PPP3CA: variants seen among roughly 807,000 people sequenced by gnomAD.
PPP3CA encodes the protein CAM-PRP catalytic subunit.
Under a neutral mutation model 66.5 loss-of-function variants are expected in PPP3CA, and 14 were observed. The observed-to-expected ratio is 0.21, with a 90% CI of 0.14 to 0.33. PPP3CA has a LOEUF of 0.33. PPP3CA is among the 10% of genes least tolerant of loss of function. The pLI is 1.00. For missense variants in PPP3CA, 317 were observed against 639.5 expected, an observed-to-expected ratio of 0.50 and a Z score of 5.44; for synonymous variants, 232 against 226.2, an observed-to-expected ratio of 1.03 and a Z score of -0.23.
intron 1 of PPP3CA, among the ~76,000 whole-genome samples, chr4:101,261,424 T>C (rs1015205374): frequency 1.3e-5 from 2 of 152,130 alleles, no homozygotes; most frequent in African/African-American, 4.8e-5. Context: ...CTTTACTCTT[T>C]AGTATTTGTA....
rs140199977 is a variant in PPP3CA at position 101,211,795 on chromosome 4, C to A, written c.59-15679G>T. Among the ~76,000 whole-genome samples the A allele has an allele frequency of 2.7e-3, 418 of 152,288 alleles. 8 individuals carry two copies. The highest frequency in any genetic ancestry group is 0.017 in the East Asian group (88 of 5,178). On this transcript the variant is annotated intron_variant, in intron 1 of 13. Transcript: ENST00000394854. ...ACTCTTTAAAAAGCATGTTAGTTAA[C>A]CTGCTGCTGAGAATTTCCAGCAACA...
Position 101,029,130 on chromosome 4 carries a change from T to C in PPP3CA, c.1369+36A>G, listed in dbSNP as rs1726801684. ...ATACACCCAGCAGAGCCCTTATCTG[T>C]TGCAGGTACAACAGAAAGGGGACTG... On this transcript the variant is annotated intron_variant, in intron 13 of 13. Transcript: ENST00000394854. 4 of 1,550,906 alleles carry C rather than the reference T, an allele frequency of 2.6e-6. No homozygotes were observed. In the South Asian group the frequency reaches 3.3e-5, roughly 13 times the overall value.
intron 2 of PPP3CA, among the ~76,000 whole-genome samples, chr4:101,128,145 G>C (rs1722306109): frequency 6.6e-6 from 1 of 152,154 alleles, no homozygotes; most frequent in African/African-American, 2.4e-5. Context: ...TATGTGCCCT[G>C]AGAGCTAACA....
chr4:101,330,870 T>C (rs1444912751), intron 1 of PPP3CA, among the ~76,000 whole-genome samples: 1 of 152,198 alleles, frequency 6.6e-6, no homozygotes, highest in Non-Finnish European at 1.5e-5. Flanking sequence ...GTACTTCTTT[T>C]TATGTTTTGG....
At chr4:101,279,208 A>G (rs1727604570) in intron 1 of PPP3CA, among the ~76,000 whole-genome samples, 1 of 152,182 alleles carries the variant, frequency 6.6e-6, no homozygotes, top group Non-Finnish European at 1.5e-5. Context: ...ACACAATTCA[A>G]TTACATTTTA....
intron 1 of PPP3CA, among the ~76,000 whole-genome samples, chr4:101,338,712 T>C (rs1488317697): frequency 6.6e-6 from 1 of 152,178 alleles, no homozygotes; most frequent in African/African-American, 2.4e-5. Flanking sequence ...ACTTCTGAAC[T>C]GAAGCTCGAA....
intron 1 of PPP3CA, among the ~76,000 whole-genome samples, chr4:101,278,580 C>T (rs1405193765): frequency 3.3e-5 from 5 of 152,206 alleles, no homozygotes; most frequent in Non-Finnish European, 7.3e-5. Context: ...ATATTAACTT[C>T]ATTGTGTCCT....
chr4:101,057,294 T>C (rs1220820463), intron 10 of PPP3CA, among the ~76,000 whole-genome samples: 1 of 152,162 alleles, frequency 6.6e-6, no homozygotes, highest in Non-Finnish European at 1.5e-5. Context: ...TGACCTCAAG[T>C]GATCTGCCGG....
At chr4:101,084,136 G>A (rs1272507567) in intron 6 of PPP3CA, among the ~76,000 whole-genome samples, 2 of 151,880 alleles carry the variant, frequency 1.3e-5, no homozygotes, top group African/African-American at 4.8e-5. Context: ...TGCAAATCAA[G>A]GTACAGAAAA....
Position 101,025,934 on chromosome 4 carries a change from G to A in PPP3CA, c.1497C>T (p.Ile499=). 4 of 1,603,528 alleles carry A rather than the reference G, an allele frequency of 2.5e-6. No homozygotes were observed. Among genetic ancestry groups the A allele is most frequent in the Admixed American group, 3.4e-5 (2 of 59,460 alleles). The change falls in exon 14 of 14, where the codon ATC becomes ATT. Residue 499 remains isoleucine, a synonymous_variant. Coordinates refer to ENST00000394854, the MANE Select transcript of PPP3CA (RefSeq NM_000944.5). Reference sequence around the variant, plus strand: ...TAGTCTCTGAGGTGAGAGCCTTGTTGATGGAGTTAAGGTTGGCGTCAGAGG... The same window carrying A: ...TAGTCTCTGAGGTGAGAGCCTTGTTAATGGAGTTAAGGTTGGCGTCAGAGG... ...AMPSDANLNS[I]NKALTSETNG...
At chr4:101,338,417 C>T (rs969181604) in intron 1 of PPP3CA, among the ~76,000 whole-genome samples, 3 of 152,222 alleles carry the variant, frequency 2.0e-5, no homozygotes, top group Admixed American at 2.0e-4. Flanking sequence ...AAAGGAACCC[C>T]ATAATTTAGA....
chr4:101,079,064 G>T (rs1279164408), intron 8 of PPP3CA, among the ~76,000 whole-genome samples: 1 of 152,148 alleles, frequency 6.6e-6, no homozygotes, highest in Non-Finnish European at 1.5e-5. Context: ...AGACCGTATG[G>T]CAACAGCAAA....
At chr4:101,317,969 G>T (rs1019595466) in intron 1 of PPP3CA, among the ~76,000 whole-genome samples, 1 of 152,068 alleles carries the variant, frequency 6.6e-6, no homozygotes, top group Non-Finnish European at 1.5e-5. Flanking sequence ...GTGAAAAGTA[G>T]GTTGAGATAG....
intron 2 of PPP3CA, among the ~76,000 whole-genome samples, chr4:101,150,325 T>C (rs80326349): frequency 6.6e-6 from 1 of 152,320 alleles, no homozygotes; most frequent in East Asian, 1.9e-4. Flanking sequence ...TAAGCTTTCT[T>C]TGTGCTTTGA....
intron 7 of PPP3CA, among the ~76,000 whole-genome samples, chr4:101,081,187 C>T (rs116359236): frequency 0.052 from 7,943 of 152,058 alleles, 737 homozygotes; most frequent in African/African-American, 0.18. Context: ...AGATTTAATG[C>T]AATTCCTAGA....
At chr4:101,159,358 C>T (rs1428933474) in intron 2 of PPP3CA, among the ~76,000 whole-genome samples, 1 of 152,162 alleles carries the variant, frequency 6.6e-6, no homozygotes, top group African/African-American at 2.4e-5. Context: ...CCCATACCTG[C>T]CCACTGACCC....
intron 1 of PPP3CA, among the ~76,000 whole-genome samples, chr4:101,280,080 T>C (rs1727631319): frequency 6.6e-6 from 1 of 152,100 alleles, no homozygotes; most frequent in Admixed American, 6.6e-5. Flanking sequence ...GGCACTGTAG[T>C]AAGAAATGGG....
chr4:101,322,682 T>C (rs1410055569), intron 1 of PPP3CA, among the ~76,000 whole-genome samples: 1 of 152,144 alleles, frequency 6.6e-6, no homozygotes. Context: ...AGAGCTGGGA[T>C]TAAAGACGTG....
intron 2 of PPP3CA, among the ~76,000 whole-genome samples, chr4:101,167,118 G>T (rs900958585): frequency 2.0e-5 from 3 of 152,160 alleles, no homozygotes; most frequent in Non-Finnish European, 4.4e-5. Flanking sequence ...AGGAAGTGGT[G>T]AGACAAATAC....
Sources: allele counts gnomAD v4.1 joint callset (sites outside exome capture counted in the v4.1 genomes callset), GRCh38; gene constraint gnomAD v4.1.1; transcripts MANE v1.5; gene names NCBI Gene and HGNC (gene_info 2026-07-23, HGNC 2026-07-21).